The following BOC variants were observed in gnomAD, a reference collection of about 807,000 sequenced individuals.
The protein encoded by BOC is brother of CDO.
Under a neutral mutation model 112.0 loss-of-function variants are expected in BOC, and 76 were observed. The observed-to-expected ratio is 0.68, with a 90% CI of 0.56 to 0.82. The LOEUF (loss-of-function observed/expected upper bound fraction) is 0.82. Among genes scored for constraint, BOC ranks in the 40% least tolerant of loss-of-function variants. The pLI is 0.00. For missense variants in BOC, 1,309 were observed against 1,511.7 expected (o/e 0.87, Z 2.22); for synonymous variants, 580 against 599.8 (o/e 0.97, Z 0.48).
rs1301630279 is a variant in BOC, at chr3:113,274,877, G to T, written c.1542+195G>T. Among the ~76,000 whole-genome samples, 1 of 152,194 alleles carries T rather than the reference G, an allele frequency of 6.6e-6. No homozygotes were observed. The highest frequency in any genetic ancestry group is 1.9e-4 in the East Asian group (1 of 5,184). ...CCAGGAAGCTGGTTGTAAGATGGGTGTGTGGGACCCTGGAAGGCCCAGGAA... is the reference window on the plus strand; with the variant it reads ...CCAGGAAGCTGGTTGTAAGATGGGTTTGTGGGACCCTGGAAGGCCCAGGAA... On this transcript the variant is annotated intron_variant, in intron 9 of 19. Coordinates refer to ENST00000682979, the MANE Select transcript of BOC (RefSeq NM_001378074.1). This position sits in a 1 kb window ranked among gnomAD's most constrained non-coding sequence, Gnocchi z 4.8.
At chr3:113,245,405 C>G (rs1037518785) in intron 2 of BOC, among the ~76,000 whole-genome samples, 1 of 152,126 alleles carries the variant, frequency 6.6e-6, no homozygotes. Context: ...TTAATTCCTT[C>G]TCCTAAGTCT....
At chr3:113,218,928 A>C (rs1368092560) in intron 2 of BOC, among the ~76,000 whole-genome samples, 1 of 152,212 alleles carries the variant, frequency 6.6e-6, no homozygotes, top group Non-Finnish European at 1.5e-5. Context: ...CCAAAGAGGA[A>C]CAACAAGGTG....
chr3:113,232,188 G>C (rs900648809), intron 2 of BOC, among the ~76,000 whole-genome samples: 4 of 152,094 alleles, frequency 2.6e-5, no homozygotes, highest in Non-Finnish European at 5.9e-5. Flanking sequence ...TGATCCAGCT[G>C]GCAAGGCTCC....
In BOC at chr3:113,279,924, C is replaced by A; in HGVS notation, c.2124C>A (p.Arg708=). ...ACGTGGTGTCGGGCTACAGCGGTCG[C>A]GTGTACGAGAGGCCCGTGGCAGGTC... The part of the protein sequence containing the change: ...RPYVVSGYSG[R]VYERPVAGPY... Residue 708 remains arginine (R), a synonymous_variant, in exon 13 of 20, where the codon CGC becomes CGA. Transcript: ENST00000682979. 1 of 1,613,994 alleles carries A rather than the reference C, an allele frequency of 6.2e-7. No individual in the cohort carries two copies. Among genetic ancestry groups the A allele is most frequent in the Non-Finnish European group, 8.5e-7 (1 of 1,179,982 alleles).
At chr3:113,232,086 G>A (rs751236657) in intron 2 of BOC, among the ~76,000 whole-genome samples, 3 of 152,016 alleles carry the variant, frequency 2.0e-5, no homozygotes, top group African/African-American at 7.2e-5. Context: ...CTAAGAGCAG[G>A]AGGCTAGAAT....
chr3:113,279,756 TG>T, intron 12 of BOC, 67 bp from the exon 13 acceptor site: 1 of 1,501,760 alleles, frequency 6.7e-7, no homozygotes, highest in Non-Finnish European at 9.0e-7. Flanking sequence ...TCCTGGGCCT[TG>T]AAAGGCCATG....
chr3:113,251,502 T>C (rs1260472204), intron 4 of BOC: 1 of 153,004 alleles, frequency 6.5e-6, no homozygotes, highest in Non-Finnish European at 1.5e-5. Flanking sequence ...CACACTACCT[T>C]TTTTTTTTCT....
Position 113,278,662 on chromosome 3 carries a change from T to C in BOC, c.1706-11T>C, listed in dbSNP as rs1244691371. 6.4e-7 allele frequency: 1 copy of C among 1,554,606 alleles called. No individual in the cohort carries two copies. Among genetic ancestry groups the C allele is most frequent in the East Asian group, 2.4e-5 (1 of 41,192 alleles). ...TTCCTCCCTTGCTGACTACAACCCATTTCCACCCAGGACGGCGGCCCAAAC... is the reference window on the plus strand; with the variant it reads ...TTCCTCCCTTGCTGACTACAACCCACTTCCACCCAGGACGGCGGCCCAAAC... On this transcript the variant is annotated splice_polypyrimidine_tract_variant and intron_variant, in intron 10 of 19. Coordinates refer to ENST00000682979, the MANE Select transcript of BOC (RefSeq NM_001378074.1). The surrounding 1 kb of genome is among the most constrained non-coding windows in gnomAD (Gnocchi z 4.2).
At position 113,270,937 on chromosome 3, in the gene BOC, T is replaced by C. The variant is rs750280256; in HGVS notation, c.660T>C (p.Arg220=). The C allele has an allele frequency of 1.9e-6, 3 of 1,614,172 alleles. No homozygotes were observed. The highest frequency in any genetic ancestry group is 1.7e-6 in the Non-Finnish European group (2 of 1,180,024). The stretch of plus-strand genomic sequence containing the variant: ...CCTCCGGCTCCAGCGACAGGCTACG[T>C]GTGCGCCGTAAGGCCCGGGCCCACC... ...VKTSGSSDRL[R]VRRSTAEAAR... Residue 220 remains arginine (R), a synonymous_variant, in exon 6 of 20, where the codon CGT becomes CGC. Transcript: ENST00000682979.
intron 4 of BOC, among the ~76,000 whole-genome samples, chr3:113,266,129 C>G (rs1287762124): frequency 6.6e-6 from 1 of 152,204 alleles, no homozygotes; most frequent in African/African-American, 2.4e-5. Context: ...CGCCTTGACC[C>G]GCAGGCATCA....
chr3:113,283,752 G>T, intron 16 of BOC, 120 bp downstream of exon 16: 1 of 946,608 alleles, frequency 1.1e-6, no homozygotes, highest in South Asian at 1.7e-5. Flanking sequence ...CAAAGGTCTC[G>T]GAGGTCAGAG....
chr3:113,222,331 G>A (rs1940850370), intron 2 of BOC, among the ~76,000 whole-genome samples: 1 of 152,044 alleles, frequency 6.6e-6, no homozygotes, highest in African/African-American at 2.4e-5. Context: ...AATCTCAAAA[G>A]CGATGTAATA....
At chr3:113,245,744 G>T (rs1944843148) in intron 2 of BOC, among the ~76,000 whole-genome samples, 1 of 152,214 alleles carries the variant, frequency 6.6e-6, no homozygotes. Context: ...CTTGCCACTT[G>T]AAGAATGTTT....
chr3:113,233,155 GTGT>G (rs1942921491), intron 2 of BOC, among the ~76,000 whole-genome samples: 1 of 116,992 alleles, frequency 8.5e-6, no homozygotes. Flanking sequence ...TGGGGTGTGT[GTGT>G]GTGTGTGTGT....
At chr3:113,268,467 G>C (rs745832501) in intron 5 of BOC, 22 bp downstream of exon 5, 7 of 1,611,028 alleles carry the variant, frequency 4.3e-6, no homozygotes, top group South Asian at 1.1e-5. Context: ...GGAGCCCAGA[G>C]GCCAAGGCTG....
intron 4 of BOC, among the ~76,000 whole-genome samples, chr3:113,264,220 C>T (rs1393823652): frequency 6.6e-6 from 1 of 152,162 alleles, no homozygotes; most frequent in Non-Finnish European, 1.5e-5. Context: ...AAAAGTGGGT[C>T]TACTAGCGTT....
chr3:113,245,199 CT>C (rs1330479513), intron 2 of BOC, among the ~76,000 whole-genome samples: 15 of 151,772 alleles, frequency 9.9e-5, no homozygotes, highest in Non-Finnish European at 1.5e-5. Flanking sequence ...TAAAAATGAC[CT>C]TTGTTTTTTG....
At chr3:113,256,222 C>T (rs780167001) in intron 4 of BOC, among the ~76,000 whole-genome samples, 18 of 152,134 alleles carry the variant, frequency 1.2e-4, no homozygotes, top group Non-Finnish European at 1.8e-4. Context: ...TGGGAGTGAC[C>T]CTTAGGAAGA....
chr3:113,255,649 C>T (rs1946149518), intron 4 of BOC, among the ~76,000 whole-genome samples: 1 of 152,128 alleles, frequency 6.6e-6, no homozygotes, highest in Non-Finnish European at 1.5e-5. Flanking sequence ...TAATTGAGAA[C>T]AGATCGGTCA....
Sources: gnomAD v4.1 joint callset for allele counts (sites outside exome capture counted in the v4.1 genomes callset) on GRCh38, gnomAD v4.1.1 for gene constraint, Gnocchi (gnomAD v3.1) non-coding constraint, MANE v1.5 for transcripts, NCBI Gene and HGNC (gene_info 2026-07-23, HGNC 2026-07-21) for gene names.